TRIM26: variants seen among roughly 807,000 people sequenced by gnomAD.
TRIM26 encodes tripartite motif-containing protein 26.
TRIM26 carries 16 observed loss-of-function variants against 45.5 expected under a neutral mutation model. That is an observed-to-expected ratio of 0.35 (90% CI 0.24 to 0.53). The LOEUF (loss-of-function observed/expected upper bound fraction) is 0.53. Among genes scored for constraint, TRIM26 ranks in the 20% least tolerant of loss-of-function variants. The pLI is 0.92. For missense variants in TRIM26, 442 were observed against 691.1 expected (o/e 0.64, Z 4.04); for synonymous variants, 273 against 290.4 (o/e 0.94, Z 0.61).
Position 30,198,468 on chromosome 6 carries a change from G to A in TRIM26, c.495C>T (p.Gly165=), listed in dbSNP as rs1776726214. 2 of 1,612,982 alleles carry A rather than the reference G, an allele frequency of 1.2e-6. No individual in the cohort carries two copies. Among genetic ancestry groups the A allele is most frequent in the Non-Finnish European group, 1.7e-6 (2 of 1,180,050 alleles). Residue 165 remains glycine (G), a synonymous_variant, in exon 5 of 10, where the codon GGC becomes GGT. Transcript: ENST00000454678. The surrounding 1 kb of genome is among the most constrained non-coding windows in gnomAD (Gnocchi z 6.3). The part of the protein sequence containing the change: ...TLRRDRDKIQ[G]FQAKGEADIL... ...TATCAGCTTCTCCCTTTGCCTGGAA[G>A]CCCTGAATTTTGTCTCTGTCCCTCC...
intron 6 of TRIM26, among the ~76,000 whole-genome samples, chr6:30,193,162 G>GTATATATATATA (rs1554201636): frequency 6.2e-5 from 2 of 32,002 alleles, no homozygotes; most frequent in African/African-American, 3.4e-4. Flanking sequence ...GTGTGTGTGT[G>GTATATATATATA]TATATATATA....
chr6:30,201,176 T>G (rs996625921), intron 2 of TRIM26, 38 bp from the exon 3 acceptor site: 2 of 152,176 alleles, frequency 1.3e-5, no homozygotes, highest in Admixed American at 6.5e-5. Flanking sequence ...AATGATTATG[T>G]ATGGTGAAAG....
rs747483134 is a variant in TRIM26 at position 30,196,469 on chromosome 6, A to T, written c.765+47T>A. 31 of 1,573,390 alleles carry T rather than the reference A, an allele frequency of 2.0e-5. 1 individual carries two copies. The highest frequency in any genetic ancestry group is 2.0e-4 in the Middle Eastern group (1 of 5,014). On this transcript the variant is annotated intron_variant, in intron 6 of 9. Transcript: ENST00000454678. The surrounding 1 kb of genome is among the most constrained non-coding windows in gnomAD (Gnocchi z 4.9). ...CCTGCAAGTGAATGGCAGGGCTGGG[A>T]CCCACCGTCCTGGTCCCTGGCGCCC...
chr6:30,186,471 T>C lies in TRIM26; in HGVS notation c.1025A>G (p.Lys342Arg), dbSNP rs149170742. The change falls in exon 10 of 10, where the codon AAG becomes AGG. Residue 342 changes from lysine (K) to arginine (R), a missense_variant. Transcript: ENST00000454678. The surrounding 1 kb of genome is among the most constrained non-coding windows in gnomAD (Gnocchi z 7.4). The part of the protein sequence containing the change: ...WKCVTYTSLY[K>R]SAYLHPQQFD... ...CTGCTGGGGGTGCAGGTAGGCACTC[T>C]TGTACAGGCTGGTGTAGGTCACGCA... The C allele has an allele frequency of 1.6e-5, 26 of 1,579,602 alleles. No homozygotes were observed. In the Admixed American group the frequency reaches 1.9e-4, roughly 12 times the overall value.
At position 30,200,651 on chromosome 6, in the gene TRIM26, A is replaced by G. The variant is rs142758114; in HGVS notation, c.-162+384T>C. 4.4e-3 allele frequency among the ~76,000 whole-genome samples: 677 copies of G among 152,264 alleles called. 2 individuals are homozygous for G. Among genetic ancestry groups the G allele is most frequent in the African/African-American group, 0.011 (477 of 41,536 alleles). On this transcript the variant is annotated intron_variant, in intron 3 of 9. Coordinates refer to ENST00000454678, the MANE Select transcript of TRIM26 (RefSeq NM_003449.5). ...GCTTCTGTTTACCTTTGTAGTCCTG[A>G]CCCAGTTCCAGGCTGAGGTTATGAG...
In TRIM26 at chr6:30,189,016, G is replaced by A; in HGVS notation, c.937+151C>T. ...CTAAAGAGTAGGCTGATTAGAAAGT[G>A]CAAAGAGGGAGGGGGGCTTCTATTG... On this transcript the variant is annotated intron_variant, in intron 9 of 9. Transcript: ENST00000454678. This position sits in a 1 kb window ranked among gnomAD's most constrained non-coding sequence, Gnocchi z 5.0. 1 of 812,550 alleles carries A rather than the reference G, an allele frequency of 1.2e-6. No homozygotes were observed. Among genetic ancestry groups the A allele is most frequent in the Non-Finnish European group, 2.0e-6 (1 of 501,458 alleles). The allele number at this position is 812,550 out of a possible 1,614,324, so 50.3% of individuals were successfully genotyped here. A position where few individuals can be genotyped will look rare whatever the true frequency, so the allele number is the denominator to read the frequency against.
At chr6:30,192,062 GCAGGGCTGGC>G (rs2127492730) in intron 6 of TRIM26, among the ~76,000 whole-genome samples, 1 of 152,306 alleles carries the variant, frequency 6.6e-6, no homozygotes, top group East Asian at 1.9e-4. Context: ...GAGAGCCAGG[GCAGGGCTGGC>G]CCTGAGGAGA....
In TRIM26 at chr6:30,186,571, G is replaced by C. The variant is rs1775215166; in HGVS notation, c.938-13C>G. 1 of 1,444,486 alleles carries C rather than the reference G, an allele frequency of 6.9e-7. No individual in the cohort carries two copies. The highest frequency in any genetic ancestry group is 1.9e-4 in the Middle Eastern group (1 of 5,378). The allele number at this position is 1,444,486 out of a possible 1,614,324, so 89.5% of individuals were successfully genotyped here. A position where few individuals can be genotyped will look rare whatever the true frequency, so the allele number is the denominator to read the frequency against. On this transcript the variant is annotated splice_polypyrimidine_tract_variant and intron_variant, in intron 9 of 9. Coordinates refer to ENST00000454678, the MANE Select transcript of TRIM26 (RefSeq NM_003449.5). This position sits in a 1 kb window ranked among gnomAD's most constrained non-coding sequence, Gnocchi z 7.4. ...AGGGTGACGCTCACTGTGGGGACAAGGGAAAAAAAAAAAAACAGCATCACT... is the reference window on the plus strand; with the variant it reads ...AGGGTGACGCTCACTGTGGGGACAACGGAAAAAAAAAAAAACAGCATCACT...
At position 30,186,478 on chromosome 6, in the gene TRIM26, G is replaced by A. The variant is rs1461272797; in HGVS notation, c.1018C>T (p.Leu340=). The A allele has an allele frequency of 1.3e-6, 2 of 1,567,248 alleles. No individual in the cohort carries two copies. The highest frequency in any genetic ancestry group is 3.6e-5 in the Admixed American group (2 of 55,470). ...GGGTGCAGGTAGGCACTCTTGTACA[G>A]GCTGGTGTAGGTCACGCACTTCCAG... The part of the protein sequence containing the change: ...EDWKCVTYTS[L]YKSAYLHPQQ... The change falls in exon 10 of 10, where the codon CTG becomes TTG. Residue 340 remains leucine (L), a synonymous_variant. Coordinates refer to ENST00000454678, the MANE Select transcript of TRIM26 (RefSeq NM_003449.5). This position sits in a 1 kb window ranked among gnomAD's most constrained non-coding sequence, Gnocchi z 7.4.
In TRIM26 at chr6:30,205,925, G is replaced by A. The variant is rs573358050; in HGVS notation, c.-375-1160C>T. Among the ~76,000 whole-genome samples the A allele has an allele frequency of 1.2e-3, 189 of 152,218 alleles. 1 individual carries two copies. The highest frequency in any genetic ancestry group is 4.3e-3 in the African/African-American group (180 of 41,520). On this transcript the variant is annotated intron_variant, in intron 1 of 9. Coordinates refer to ENST00000454678, the MANE Select transcript of TRIM26 (RefSeq NM_003449.5). Reference sequence around the variant, plus strand: ...TGGGGCCCAAGAAAGTAAATGGAGAGGCCTGGGTTTTCATCCTGGCCTCCA... The same window carrying A: ...TGGGGCCCAAGAAAGTAAATGGAGAAGCCTGGGTTTTCATCCTGGCCTCCA...
intron 2 of TRIM26, among the ~76,000 whole-genome samples, chr6:30,203,748 T>C (rs1004921464): frequency 6.6e-6 from 1 of 151,992 alleles, no homozygotes; most frequent in African/African-American, 2.4e-5. Context: ...CAATGGATGC[T>C]GTAGTATTTA....
chr6:30,195,270 A>G (rs1464763926), intron 6 of TRIM26, among the ~76,000 whole-genome samples: 1 of 152,202 alleles, frequency 6.6e-6, no homozygotes, highest in Admixed American at 6.5e-5. Context: ...AGGAAGGAGA[A>G]GAGAAACGGG....
At position 30,189,609 on chromosome 6, in the gene TRIM26, T is replaced by A. The variant is rs753024687; in HGVS notation, c.789-76A>T. 1.6e-6 allele frequency: 2 copies of A among 1,262,880 alleles called. No homozygotes were observed. The highest frequency in any genetic ancestry group is 2.3e-6 in the Non-Finnish European group (2 of 870,512). The allele number at this position is 1,262,880 out of a possible 1,614,324, so 78.2% of individuals were successfully genotyped here. ...CTTCATACTTATCTCTCAATCCTCA[T>A]GGCAATTATGAAGGGGAGAGGAAAG... On this transcript the variant is annotated intron_variant, in intron 7 of 9. Coordinates refer to ENST00000454678, the MANE Select transcript of TRIM26 (RefSeq NM_003449.5). The surrounding 1 kb of genome is among the most constrained non-coding windows in gnomAD (Gnocchi z 5.0).
intron 1 of TRIM26, among the ~76,000 whole-genome samples, chr6:30,206,764 C>T (rs1437274692): frequency 6.6e-6 from 1 of 152,204 alleles, no homozygotes; most frequent in African/African-American, 2.4e-5. Context: ...AGAGGTGGCC[C>T]AGGCTCTGGT....
chr6:30,201,865 G>T (rs945064744), intron 2 of TRIM26, among the ~76,000 whole-genome samples: 4 of 151,450 alleles, frequency 2.6e-5, no homozygotes, highest in Non-Finnish European at 5.9e-5. Context: ...AAAAAAGAAA[G>T]AAATGCTAGG....
intron 6 of TRIM26, among the ~76,000 whole-genome samples, chr6:30,191,512 T>TA (rs1280834736): frequency 1.4e-5 from 2 of 145,768 alleles, no homozygotes; most frequent in Non-Finnish European, 3.1e-5. Context: ...TACATCATAC[T>TA]ACGTGAGTGA....
At chr6:30,191,029 G>A (rs1775773751) in intron 6 of TRIM26, among the ~76,000 whole-genome samples, 1 of 152,112 alleles carries the variant, frequency 6.6e-6, no homozygotes, top group South Asian at 2.1e-4. Flanking sequence ...TGGTCCGGAG[G>A]CTTTTGCCGT....
Position 30,187,362 on chromosome 6 carries a change from G to A in TRIM26, c.938-804C>T, listed in dbSNP as rs189771924. On this transcript the variant is annotated intron_variant, in intron 9 of 9. Coordinates refer to ENST00000454678, the MANE Select transcript of TRIM26 (RefSeq NM_003449.5). ...TAGAAAAGAGGGCATTCAGGCATTC[G>A]GCAACTCCTGAAGACCAACCTGAAG... is the stretch of plus-strand genomic sequence containing the variant. The A allele has an allele frequency of 1.3e-3, 414 of 328,742 alleles. 8 individuals are homozygous for A. In the East Asian group the frequency reaches 0.019, roughly 15 times the overall value. The allele number at this position is 328,742 out of a possible 1,614,324, so 20.4% of individuals were successfully genotyped here.
Position 30,198,252 on chromosome 6 carries a change from C to T in TRIM26, c.534+177G>A, listed in dbSNP as rs1457701620. ...CAGACAAGAAACAGGCCCAAGACTA[C>T]ACGGCTCAGAAAGACAGCACTTGGG... On this transcript the variant is annotated intron_variant, in intron 5 of 9. Transcript: ENST00000454678. This position sits in a 1 kb window ranked among gnomAD's most constrained non-coding sequence, Gnocchi z 6.3. Among the ~76,000 whole-genome samples the T allele has an allele frequency of 6.6e-6, 1 of 152,232 alleles. No homozygotes were observed.
Sources: gnomAD v4.1 joint callset for allele counts (sites outside exome capture counted in the v4.1 genomes callset) on GRCh38, gnomAD v4.1.1 for gene constraint, Gnocchi (gnomAD v3.1) non-coding constraint, MANE v1.5 for transcripts, NCBI Gene and HGNC (gene_info 2026-07-23, HGNC 2026-07-21) for gene names.